The following ANTXR1 variants were observed in gnomAD, a reference collection of about 807,000 sequenced individuals.
ANTXR1 encodes the protein anthrax toxin receptor 1.
In ANTXR1, 19 loss-of-function variants were observed where a neutral mutation model predicts 78.1. The observed-to-expected ratio is 0.24, with a 90% CI of 0.17 to 0.36. The LOEUF is 0.36. Ranked by LOEUF, ANTXR1 falls within the 10% of genes least tolerant of loss-of-function variation. The probability of loss-of-function intolerance (pLI) is 1.00; values close to 1 mark genes in which losing one functional copy is unlikely to be tolerated. For missense variants in ANTXR1, 518 were observed against 718.6 expected (o/e 0.72, Z 3.19); for synonymous variants, 273 against 260.5 (o/e 1.05, Z -0.46).
chr2:69,202,649 A>G (rs1674802709), intron 17 of ANTXR1, among the ~76,000 whole-genome samples: 1 of 152,160 alleles, frequency 6.6e-6, no homozygotes, highest in Admixed American at 6.5e-5. Context: ...CCTTAGTGAC[A>G]TGGGTTGTAG....
At chr2:69,018,849 C>T (rs1476906153) in intron 1 of ANTXR1, among the ~76,000 whole-genome samples, 4 of 152,220 alleles carry the variant, frequency 2.6e-5, no homozygotes, top group South Asian at 4.1e-4. Flanking sequence ...TCAAAATCCC[C>T]GCATCAGAGT....
At chr2:69,122,849 G>C (rs1336021409) in intron 10 of ANTXR1, among the ~76,000 whole-genome samples, 168 bp from the exon 11 acceptor site, 2 of 152,006 alleles carry the variant, frequency 1.3e-5, no homozygotes, top group Non-Finnish European at 2.9e-5. Flanking sequence ...GCGGTGTTTG[G>C]TTTTCTGTCC....
chr2:69,166,456 T>C (rs1237058219), intron 13 of ANTXR1, among the ~76,000 whole-genome samples: 2 of 152,128 alleles, frequency 1.3e-5, no homozygotes, highest in Non-Finnish European at 2.9e-5. Context: ...GCCCATCTCT[T>C]AGTGCAAAAG....
At chr2:69,116,334 G>A (rs552414458) in intron 10 of ANTXR1, among the ~76,000 whole-genome samples, 28 of 152,218 alleles carry the variant, frequency 1.8e-4, no homozygotes, top group Admixed American at 2.6e-4. Flanking sequence ...AGCTCAGCCC[G>A]GATTCTTTGA....
At chr2:69,087,459 A>C (rs999312094) in intron 8 of ANTXR1, among the ~76,000 whole-genome samples, 6 of 152,206 alleles carry the variant, frequency 3.9e-5, no homozygotes, top group Admixed American at 1.3e-4. Context: ...CCAGATTCCA[A>C]GCAATTACTC....
rs1305662666 is a variant in ANTXR1, at chr2:69,056,204, C to G, written c.296+11391C>G. Among the ~76,000 whole-genome samples the G allele has an allele frequency of 3.3e-5, 5 of 152,190 alleles. No individual in the cohort carries two copies. The East Asian group carries it at 9.6e-4, about 29-fold the overall frequency. ...AACAGTAGCATTCTCATATCCAAAG[C>G]TAGCTAGCCAAAACCAACATATTTT... On this transcript the variant is annotated intron_variant, in intron 3 of 17. Transcript: ENST00000303714.
chr2:69,048,751 C>T (rs545967091), intron 3 of ANTXR1, among the ~76,000 whole-genome samples: 1 of 152,232 alleles, frequency 6.6e-6, no homozygotes, highest in East Asian at 1.9e-4. Flanking sequence ...TCTGGAGGAC[C>T]AATCTATCCT....
At chr2:69,144,276 T>C (rs2104419326) in intron 12 of ANTXR1, among the ~76,000 whole-genome samples, 1 of 152,348 alleles carries the variant, frequency 6.6e-6, no homozygotes, top group South Asian at 2.1e-4. Flanking sequence ...CCTCTCCCTC[T>C]GCCCTCAGGG....
intron 13 of ANTXR1, among the ~76,000 whole-genome samples, chr2:69,168,189 G>C (rs993414539): frequency 6.6e-6 from 1 of 152,180 alleles, no homozygotes; most frequent in Non-Finnish European, 1.5e-5. Context: ...TGCAGGGGGG[G>C]TATGAAAGAT....
intron 17 of ANTXR1, among the ~76,000 whole-genome samples, chr2:69,238,218 A>G (rs1675817222): frequency 6.6e-6 from 1 of 152,174 alleles, no homozygotes; most frequent in South Asian, 2.1e-4. Flanking sequence ...TAGTTGTCCA[A>G]TCAACTGGTC....
chr2:69,033,616 A>C (rs1175227316), intron 1 of ANTXR1, among the ~76,000 whole-genome samples: 1 of 152,198 alleles, frequency 6.6e-6, no homozygotes, highest in East Asian at 1.9e-4. Flanking sequence ...GCTGCTGAAC[A>C]TGTCTGTATC....
At chr2:69,185,504 C>A (rs185234960) in intron 16 of ANTXR1, among the ~76,000 whole-genome samples, 1 of 150,480 alleles carries the variant, frequency 6.6e-6, no homozygotes, top group Admixed American at 6.6e-5. Context: ...TGTGCCATTG[C>A]ACTCCAGCCT....
chr2:69,243,358 G>A (rs1675935971), intron 17 of ANTXR1, among the ~76,000 whole-genome samples: 1 of 152,166 alleles, frequency 6.6e-6, no homozygotes, highest in South Asian at 2.1e-4. Context: ...TGGCCAGGGA[G>A]GCAAGGCATT....
intron 8 of ANTXR1, among the ~76,000 whole-genome samples, chr2:69,085,033 T>C (rs1671008327): frequency 6.6e-6 from 1 of 152,036 alleles, no homozygotes; most frequent in African/African-American, 2.4e-5. Flanking sequence ...TTTGTATTTT[T>C]AGTAGAGACG....
chr2:69,015,487 T>C (rs558749744), intron 1 of ANTXR1, among the ~76,000 whole-genome samples: 2 of 151,212 alleles, frequency 1.3e-5, no homozygotes, highest in Non-Finnish European at 2.9e-5. Flanking sequence ...TTCCAATCAG[T>C]ATATAATGAT....
At chr2:69,097,476 A>T (rs1454885903) in intron 9 of ANTXR1, among the ~76,000 whole-genome samples, 1 of 152,260 alleles carries the variant, frequency 6.6e-6, no homozygotes, top group Admixed American at 6.5e-5. Context: ...GACACATTCA[A>T]GCAACATCAG....
chr2:69,017,550 G>A (rs1422821860), intron 1 of ANTXR1, among the ~76,000 whole-genome samples: 3 of 152,236 alleles, frequency 2.0e-5, no homozygotes, highest in Middle Eastern at 3.4e-3. Flanking sequence ...TTAATGGAAC[G>A]TCATGTTTTC....
At chr2:69,015,169 C>A (rs547689476) in intron 1 of ANTXR1, among the ~76,000 whole-genome samples, 1 of 150,786 alleles carries the variant, frequency 6.6e-6, no homozygotes, top group Non-Finnish European at 1.5e-5. Flanking sequence ...AACCAGTTTT[C>A]CCCAAATTAA....
intron 12 of ANTXR1, chr2:69,134,953 G>A (rs1401283259): frequency 6.1e-6 from 2 of 328,038 alleles, no homozygotes; most frequent in Admixed American, 3.0e-5. Context: ...CAATGTCCCA[G>A]TATTTTTATT....
Sources: gnomAD v4.1 joint callset for allele counts (sites outside exome capture counted in the v4.1 genomes callset) on GRCh38, gnomAD v4.1.1 for gene constraint, MANE v1.5 for transcripts, NCBI Gene and HGNC (gene_info 2026-07-23, HGNC 2026-07-21) for gene names.